NAV2: variants seen among roughly 807,000 people sequenced by gnomAD.
NAV2 encodes neuron navigator 2, also known as helicase, APC down-regulated 1.
NAV2 carries 54 observed loss-of-function variants against 223.2 expected under a neutral mutation model. The observed-to-expected ratio is 0.24, with a 90% CI of 0.19 to 0.30. NAV2 has a LOEUF of 0.30. Ranked by LOEUF, NAV2 falls within the 10% of genes least tolerant of loss-of-function variation. NAV2 has a pLI of 1.00. For missense variants in NAV2, 2,806 were observed against 3,147.5 expected, an observed-to-expected ratio of 0.89 and a Z score of 2.60; for synonymous variants, 1,279 against 1,239.3, an observed-to-expected ratio of 1.03 and a Z score of -0.67.
chr11:20,019,994 T>TAAAAA (rs763255071), intron 11 of NAV2, among the ~76,000 whole-genome samples: 22 of 134,044 alleles, frequency 1.6e-4, no homozygotes, highest in African/African-American at 5.6e-4. Context: ...GGGCATGAGG[T>TAAAAA]AAAAAAAAAA....
intron 1 of NAV2, among the ~76,000 whole-genome samples, chr11:19,580,330 C>A (rs1433257312): frequency 4.7e-5 from 7 of 147,612 alleles, no homozygotes; most frequent in Non-Finnish European, 7.4e-5. Flanking sequence ...TCACATTTTT[C>A]TTTCTTTTTT....
At chr11:20,062,635 A>C (rs1230393262) in intron 20 of NAV2, among the ~76,000 whole-genome samples, 1 of 152,178 alleles carries the variant, frequency 6.6e-6, no homozygotes, top group African/African-American at 2.4e-5. Flanking sequence ...CTGCTGATGG[A>C]CTTGGAAAAT....
chr11:19,909,237 A>G, intron 6 of NAV2, among the ~76,000 whole-genome samples: 1 of 152,296 alleles, frequency 6.6e-6, no homozygotes, highest in East Asian at 1.9e-4. Context: ...TATATATTTA[A>G]CTTTAATCTA....
At chr11:19,532,967 C>A (rs1173557721) in intron 1 of NAV2, among the ~76,000 whole-genome samples, 2 of 152,160 alleles carry the variant, frequency 1.3e-5, no homozygotes, top group Non-Finnish European at 2.9e-5. Flanking sequence ...TGCTCTTTGA[C>A]CATATTATTT....
chr11:19,684,441 A>G (rs1216359459), intron 1 of NAV2, among the ~76,000 whole-genome samples: 2 of 152,048 alleles, frequency 1.3e-5, no homozygotes, highest in Admixed American at 6.5e-5. Flanking sequence ...GATTTGATCT[A>G]AAGGTCATTC....
chr11:19,964,390 A>G (rs981332914), intron 10 of NAV2, among the ~76,000 whole-genome samples: 1 of 152,186 alleles, frequency 6.6e-6, no homozygotes, highest in Non-Finnish European at 1.5e-5. Context: ...AACGGTTAAT[A>G]ATAATGACCA....
chr11:19,886,996 C>T (rs899571928), intron 5 of NAV2, among the ~76,000 whole-genome samples: 3 of 152,110 alleles, frequency 2.0e-5, no homozygotes, highest in African/African-American at 7.2e-5. Flanking sequence ...CCCCTTTCCC[C>T]ACCCCCAGCC....
chr11:19,459,493 A>G (rs1456547057), intron 1 of NAV2, among the ~76,000 whole-genome samples: 3 of 152,178 alleles, frequency 2.0e-5, no homozygotes, highest in Non-Finnish European at 4.4e-5. Context: ...TGATCATCTG[A>G]TCAGCCAGGC....
rs1467514795 is a variant in NAV2 at position 20,049,054 on chromosome 11, G to A, written c.4229G>A (p.Ser1410Asn). 6.2e-7 allele frequency: 1 copy of A among 1,614,096 alleles called. No individual in the cohort carries two copies. The highest frequency in any genetic ancestry group is 8.5e-7 in the Non-Finnish European group (1 of 1,180,018). The change falls in exon 15 of 38, where the codon AGC (serine) becomes AAC (asparagine). Residue 1410 changes from serine (S) to asparagine (N), a missense_variant. By Grantham distance (46) the Ser-to-Asn change is conservative (BLOSUM62 1). This residue lies in a region of NAV2 where 742 missense variants were observed against 777.9 expected (regional missense o/e 0.95). Transcript: ENST00000349880. Reference sequence around the variant, plus strand: ...CAGTCTGTCAGCAGCCTCCACACCAGCTGTGAGTCCATCGACATCTCCCTC... The same window carrying A: ...CAGTCTGTCAGCAGCCTCCACACCAACTGTGAGTCCATCGACATCTCCCTC... ...GFQSVSSLHT[S>N]CESIDISLSS...
At chr11:19,774,846 C>T (rs555021330) in intron 1 of NAV2, among the ~76,000 whole-genome samples, 1 of 152,272 alleles carries the variant, frequency 6.6e-6, no homozygotes, top group African/African-American at 2.4e-5. Flanking sequence ...TCCCATCTCT[C>T]CTTGTACCAT....
At chr11:19,987,941 A>G (rs1330082026) in intron 11 of NAV2, among the ~76,000 whole-genome samples, 1 of 152,226 alleles carries the variant, frequency 6.6e-6, no homozygotes, top group African/African-American at 2.4e-5. Context: ...GGAGGTCTCC[A>G]AACTGGCAGA....
chr11:19,615,599 C>T (rs1440883780), intron 1 of NAV2, among the ~76,000 whole-genome samples: 1 of 151,998 alleles, frequency 6.6e-6, no homozygotes, highest in Non-Finnish European at 1.5e-5. Context: ...GCTAGACATT[C>T]ATTATATACA....
chr11:19,481,679 A>G lies in NAV2; in HGVS notation c.75+130652A>G, dbSNP rs568664643. 9.8e-5 allele frequency among the ~76,000 whole-genome samples: 15 copies of G among 152,366 alleles called. No individual in the cohort carries two copies. The South Asian group carries it at 2.7e-3, about 27-fold the overall frequency. On this transcript the variant is annotated intron_variant, in intron 1 of 37. Coordinates refer to the NAV2 transcript ENST00000360655. ...TCTGGGGCAGTGCCCAGCACATAGT[A>G]AACAGTCTGTATGTAGAGGCTGCTC...
rs560491723 is a variant in NAV2 at position 19,456,208 on chromosome 11, A to T, written c.75+105181A>T. Among the ~76,000 whole-genome samples, 3 of 152,334 alleles carry T rather than the reference A, an allele frequency of 2.0e-5. No individual in the cohort carries two copies. The East Asian group carries it at 5.8e-4, about 29-fold the overall frequency. On this transcript the variant is annotated intron_variant, in intron 1 of 37. Transcript: ENST00000360655. Reference sequence around the variant, plus strand: ...GAGGAAAGTAAAAGAGCGTGCATTTAAAGGATACCTGTGATATACCCAGTG... The same window carrying T: ...GAGGAAAGTAAAAGAGCGTGCATTTTAAGGATACCTGTGATATACCCAGTG...
At chr11:20,007,118 G>A (rs1372399652) in intron 11 of NAV2, among the ~76,000 whole-genome samples, 2 of 151,934 alleles carry the variant, frequency 1.3e-5, no homozygotes, top group Non-Finnish European at 2.9e-5. Context: ...CACCATGCCC[G>A]GCTAATTTTT....
At chr11:19,398,848 A>G (rs925846697) in intron 1 of NAV2, among the ~76,000 whole-genome samples, 1 of 152,212 alleles carries the variant, frequency 6.6e-6, no homozygotes, top group African/African-American at 2.4e-5. Context: ...TAGTGGGTGC[A>G]CAACATTTTT....
At chr11:20,090,228 T>A (rs2034029) in intron 26 of NAV2, among the ~76,000 whole-genome samples, 134,411 of 152,288 alleles carry the variant, frequency 0.88, 59,498 homozygotes, top group East Asian at 0.95. Flanking sequence ...TCTTTAAAAC[T>A]GTAAGCTGAC....
intron 19 of NAV2, among the ~76,000 whole-genome samples, chr11:20,058,896 T>C (rs2058525689): frequency 6.6e-6 from 1 of 152,226 alleles, no homozygotes; most frequent in South Asian, 2.1e-4. Flanking sequence ...GTAGCTATTG[T>C]TATAATTGTC....
chr11:19,577,732 G>A (rs1410294307), intron 1 of NAV2, among the ~76,000 whole-genome samples: 5 of 152,110 alleles, frequency 3.3e-5, no homozygotes, highest in African/African-American at 1.2e-4. Flanking sequence ...GGGTTGGGTG[G>A]GCATCTGGGG....
Sources: gnomAD v4.1 joint callset for allele counts (sites outside exome capture counted in the v4.1 genomes callset) on GRCh38, gnomAD v4.1.1 for gene constraint, gnomAD v4.1.1 regional missense constraint, MANE v1.5 for transcripts, NCBI Gene and HGNC (gene_info 2026-07-23, HGNC 2026-07-21) for gene names.